The following TENM2 variants were observed in gnomAD, a reference collection of about 807,000 sequenced individuals.
The protein encoded by TENM2 is teneurin transmembrane protein 2.
In TENM2, 52 loss-of-function variants were observed where a neutral mutation model predicts 245.2. That is an observed-to-expected ratio of 0.21 (90% confidence interval 0.17 to 0.27). TENM2 has a LOEUF of 0.27. Ranked by LOEUF, TENM2 falls within the 10% of genes least tolerant of loss-of-function variation. The pLI, the probability that TENM2 is intolerant of heterozygous loss-of-function variation, is 1.00. For missense variants in TENM2, 3,046 were observed against 3,666.8 expected (o/e 0.83, Z 4.37); for synonymous variants, 1,363 against 1,438.9 (o/e 0.95, Z 1.19).
At chr5:167,782,182 G>A (rs978039346) in intron 2 of TENM2, among the ~76,000 whole-genome samples, 18 of 151,372 alleles carry the variant, frequency 1.2e-4, no homozygotes, top group South Asian at 6.3e-4. Flanking sequence ...GCATGGTAGC[G>A]CATGCCTGTA....
chr5:167,912,188 ACT>A (rs1475718378), intron 3 of TENM2, among the ~76,000 whole-genome samples: 1 of 151,644 alleles, frequency 6.6e-6, no homozygotes, highest in East Asian at 1.9e-4. Context: ...CCACCACCCT[ACT>A]CTCTGCTTCT....
intron 2 of TENM2, among the ~76,000 whole-genome samples, chr5:167,746,112 C>G (rs184626198): frequency 6.6e-6 from 1 of 152,280 alleles, no homozygotes; most frequent in East Asian, 1.9e-4. Flanking sequence ...TATAAAGAAG[C>G]AACTCACTTG....
At chr5:167,061,118 A>G in the TENM2 span, among the ~76,000 whole-genome samples, 96,124 of 151,608 alleles carry the variant, frequency 0.63, 32,794 homozygotes, top group African/African-American at 0.91. Flanking sequence ...ACACACACAC[A>G]CACATGCATA....
At chr5:167,730,529 C>G (rs138492384) in intron 2 of TENM2, among the ~76,000 whole-genome samples, 6 of 152,076 alleles carry the variant, frequency 3.9e-5, no homozygotes, top group Non-Finnish European at 2.9e-5. Context: ...TGATAAAGTG[C>G]TCCTTTATTA....
the TENM2 span, among the ~76,000 whole-genome samples, chr5:167,132,220 G>A: frequency 3.3e-5 from 5 of 152,024 alleles, no homozygotes; most frequent in African/African-American, 9.7e-5. Context: ...TCTCATACAC[G>A]TCTATAAAAT....
intron 1 of TENM2, among the ~76,000 whole-genome samples, chr5:167,327,003 C>T (rs1162562213): frequency 6.6e-6 from 1 of 152,052 alleles, no homozygotes; most frequent in Admixed American, 6.5e-5. Flanking sequence ...TTCTGAATAA[C>T]ATTAAACATT....
At chr5:167,401,790 G>A (rs1241173629) in intron 2 of TENM2, among the ~76,000 whole-genome samples, 2 of 152,106 alleles carry the variant, frequency 1.3e-5, no homozygotes, top group Non-Finnish European at 2.9e-5. Context: ...AAAACTCACG[G>A]ACGAAATCAG....
chr5:167,845,990 T>A (rs114027429), intron 2 of TENM2, among the ~76,000 whole-genome samples: 10,806 of 152,164 alleles, frequency 0.071, 446 homozygotes, highest in African/African-American at 0.1. Context: ...GCCTCATCCT[T>A]CACCCCATCT....
chr5:167,981,975 A>T (rs1334203910), intron 4 of TENM2, among the ~76,000 whole-genome samples: 1 of 135,580 alleles, frequency 7.4e-6, no homozygotes, highest in Non-Finnish European at 1.6e-5. Flanking sequence ...GCTCTGTTTC[A>T]GACCAAAAAA....
intron 3 of TENM2, chr5:167,938,729 G>A (rs922910167): frequency 1.3e-5 from 2 of 152,172 alleles, no homozygotes; most frequent in African/African-American, 4.8e-5. Flanking sequence ...CAGATCACGA[G>A]GTCAGGAAAT....
chr5:167,244,866 G>A, the TENM2 span, among the ~76,000 whole-genome samples: 1 of 152,066 alleles, frequency 6.6e-6, no homozygotes, highest in South Asian at 2.1e-4. Flanking sequence ...TAGTTGGACA[G>A]CCTGTGGTAT....
intron 13 of TENM2, chr5:168,187,788 G>T (rs1238450496): frequency 6.6e-6 from 1 of 152,128 alleles, no homozygotes; most frequent in East Asian, 1.9e-4. Context: ...CTGCTACTAA[G>T]ATACAATCTC....
chr5:167,742,614 G>T (rs1207246767), intron 2 of TENM2, among the ~76,000 whole-genome samples: 2 of 152,100 alleles, frequency 1.3e-5, no homozygotes, highest in Non-Finnish European at 2.9e-5. Context: ...GGAGGCATTG[G>T]GCTAAAAGAA....
chr5:168,225,601 A>AAAT (rs1364739857), intron 23 of TENM2, among the ~76,000 whole-genome samples: 6 of 152,074 alleles, frequency 3.9e-5, no homozygotes, highest in Non-Finnish European at 8.8e-5. Flanking sequence ...TCTCTACAAA[A>AAAT]AATGCAAAAA....
chr5:167,161,704 C>T, the TENM2 span, among the ~76,000 whole-genome samples: 2 of 152,098 alleles, frequency 1.3e-5, no homozygotes, highest in East Asian at 3.9e-4. Flanking sequence ...ACAAACTAAC[C>T]AATGTAATCA....
chr5:167,385,527 G>GTTTCA (rs1761372088), intron 2 of TENM2, among the ~76,000 whole-genome samples: 1 of 148,128 alleles, frequency 6.8e-6, no homozygotes, highest in African/African-American at 2.5e-5. Context: ...TACTTCCATA[G>GTTTCA]GTTATTGGAG....
chr5:167,738,729 G>C lies in TENM2; in HGVS notation c.503-137257G>C, dbSNP rs546874790. On this transcript the variant is annotated intron_variant, in intron 2 of 28. Transcript: ENST00000518659. ...GGTTTTTCCTGAGACCTCTCTCCTT[G>C]ACTTGTAGATGGCCACCTCCTCACA... is the stretch of plus-strand genomic sequence containing the variant. 7.9e-5 allele frequency among the ~76,000 whole-genome samples: 12 copies of C among 152,208 alleles called. No individual in the cohort carries two copies. The South Asian group carries it at 1.2e-3, about 16-fold the overall frequency.
chr5:167,998,045 A>T (rs1174716953), intron 5 of TENM2, among the ~76,000 whole-genome samples: 1 of 152,234 alleles, frequency 6.6e-6, no homozygotes, highest in African/African-American at 2.4e-5. Context: ...TTTCTCTTTA[A>T]ATACTTTCTA....
chr5:167,733,187 T>C (rs1367352886), intron 2 of TENM2, among the ~76,000 whole-genome samples: 1 of 152,158 alleles, frequency 6.6e-6, no homozygotes. Context: ...CCTTCCCTTC[T>C]GTAACATCCA....
Sources: allele counts gnomAD v4.1 joint callset (sites outside exome capture counted in the v4.1 genomes callset), GRCh38; gene constraint gnomAD v4.1.1; transcripts MANE v1.5; gene names NCBI Gene and HGNC (gene_info 2026-07-23, HGNC 2026-07-21).